The following TDRD9 variants were observed in gnomAD, a reference collection of about 807,000 sequenced individuals.
TDRD9 encodes tudor domain containing 9.
TDRD9 carries 124 observed loss-of-function variants against 172.6 expected under a neutral mutation model. The observed-to-expected ratio is 0.72, with a 90% CI of 0.62 to 0.83. The LOEUF (loss-of-function observed/expected upper bound fraction) is 0.83, where lower values mean the gene tolerates loss of function less well. Ranked by LOEUF, TDRD9 falls within the 40% of genes least tolerant of loss-of-function variation. The pLI is 0.00. For missense variants in TDRD9, 1,479 were observed against 1,714.1 expected, an observed-to-expected ratio of 0.86 and a Z score of 2.42; for synonymous variants, 619 against 617.1, an observed-to-expected ratio of 1.00 and a Z score of -0.05.
chr14:103,958,923 G>A (rs2032373061), intron 2 of TDRD9, among the ~76,000 whole-genome samples: 1 of 152,236 alleles, frequency 6.6e-6, no homozygotes. Flanking sequence ...CCTGTGGGCT[G>A]TAACGAAGAG....
At position 104,005,337 on chromosome 14, in the gene TDRD9, C is replaced by T. The variant is rs2034400946; in HGVS notation, c.1645C>T (p.Leu549=). The change falls in exon 15 of 36, where the codon CTG becomes TTG. Residue 549 remains leucine (L), a synonymous_variant. Transcript: ENST00000409874. ...ACTTGACATGGGTGAGCCGAGAGCT[C>T]TGCTGGCCACTGCCCTTTCCCCGCC... ...KLLDMGEPRA[L]LATALSPPGL... 6.8e-6 allele frequency: 11 copies of T among 1,614,000 alleles called. No individual in the cohort carries two copies. The highest frequency in any genetic ancestry group is 9.3e-6 in the Non-Finnish European group (11 of 1,179,878).
At chr14:103,973,425 G>T (rs1204318484) in intron 6 of TDRD9, among the ~76,000 whole-genome samples, 2 of 151,928 alleles carry the variant, frequency 1.3e-5, no homozygotes, top group Non-Finnish European at 2.9e-5. Flanking sequence ...TCCTCTCACT[G>T]CCTCCTCTAT....
intron 7 of TDRD9, among the ~76,000 whole-genome samples, chr14:103,983,847 C>T (rs1023041368): frequency 6.6e-6 from 1 of 152,292 alleles, no homozygotes; most frequent in African/African-American, 2.4e-5. Context: ...TTGGAACTTC[C>T]TAGAGACTTG....
At chr14:103,952,142 A>G (rs2031911722) in intron 1 of TDRD9, among the ~76,000 whole-genome samples, 2 of 139,572 alleles carry the variant, frequency 1.4e-5, no homozygotes, top group Admixed American at 1.5e-4. Flanking sequence ...GTATATATAT[A>G]TATGTATATA....
At chr14:103,990,036 A>G (rs1470110258) in intron 8 of TDRD9, among the ~76,000 whole-genome samples, 1 of 152,170 alleles carries the variant, frequency 6.6e-6, no homozygotes, top group Non-Finnish European at 1.5e-5. Flanking sequence ...ACCCAACCTC[A>G]TGGCCATGTC....
At position 104,042,378 on chromosome 14, in the gene TDRD9, C is replaced by A. The variant is rs567644025; in HGVS notation, c.3974+191C>A. Reference sequence around the variant, plus strand: ...TTCCTGTGGAGAGCAGCACCCTTGTCCTGTGTGTGTGTGTCCCTTGAAGGG... The same window carrying A: ...TTCCTGTGGAGAGCAGCACCCTTGTACTGTGTGTGTGTGTCCCTTGAAGGG... On this transcript the variant is annotated intron_variant, in intron 34 of 35. Coordinates refer to ENST00000409874, the MANE Select transcript of TDRD9 (RefSeq NM_153046.3). 3.9e-5 allele frequency among the ~76,000 whole-genome samples: 6 copies of A among 152,238 alleles called. No individual in the cohort carries two copies. The South Asian group carries it at 1.2e-3, about 32-fold the overall frequency.
chr14:104,049,546 T>C, intron 34 of TDRD9, 62 bp from the exon 35 acceptor site: 1 of 1,342,304 alleles, frequency 7.4e-7, no homozygotes, highest in Non-Finnish European at 1.0e-6. Flanking sequence ...TTTAAAAAAA[T>C]CACAGCAGTG....
intron 1 of TDRD9, among the ~76,000 whole-genome samples, chr14:103,951,588 A>G (rs762644599): frequency 8.5e-5 from 13 of 152,320 alleles, no homozygotes; most frequent in Middle Eastern, 3.4e-3. Context: ...AATCTGTTTG[A>G]AACATTTTAT....
At chr14:103,970,483 C>T in intron 5 of TDRD9, 58 bp from the exon 6 acceptor site, 2 of 1,261,984 alleles carry the variant, frequency 1.6e-6, no homozygotes, top group Non-Finnish European at 1.1e-6. Context: ...TTTCTGTCAG[C>T]AGTGTCATGT....
chr14:103,972,465 T>C (rs2033075862), intron 6 of TDRD9, among the ~76,000 whole-genome samples: 1 of 152,188 alleles, frequency 6.6e-6, no homozygotes, highest in South Asian at 2.1e-4. Context: ...ATGATAAATA[T>C]CATTTACTTC....
chr14:103,930,711 A>G (rs1325374243), intron 1 of TDRD9, among the ~76,000 whole-genome samples: 2 of 151,846 alleles, frequency 1.3e-5, no homozygotes, highest in Non-Finnish European at 2.9e-5. Context: ...TCCTTGAGCT[A>G]CTCTGGTAAA....
intron 35 of TDRD9, among the ~76,000 whole-genome samples, 155 bp from the exon 36 acceptor site, chr14:104,051,826 C>T (rs2140947039): frequency 6.6e-6 from 1 of 152,190 alleles, no homozygotes; most frequent in African/African-American, 2.4e-5. Context: ...ATTATCAAAC[C>T]TATAGTATGA....
intron 1 of TDRD9, among the ~76,000 whole-genome samples, chr14:103,952,216 ATATATTT>A (rs2031947943): frequency 4.0e-5 from 2 of 49,918 alleles, no homozygotes; most frequent in Non-Finnish European, 6.8e-5. Flanking sequence ...ATATATATAT[ATATATTT>A]TTTTTTTTTT....
In TDRD9 at chr14:104,031,218, G is replaced by C; in HGVS notation, c.3393G>C (p.Leu1131Phe). Residue 1131 changes from leucine (L) to phenylalanine (F), a missense_variant, in exon 29 of 36, where the codon TTG becomes TTC. Leu to Phe is a conservative substitution (Grantham distance 22, BLOSUM62 0). This residue lies in a region of TDRD9 where 1,413 missense variants were observed against 1,649.1 expected (regional missense o/e 0.86). Transcript: ENST00000409874. Reference protein sequence around the residue: ...KDDEKYLIRILLESFSTNKLG... With the variant: ...KDDEKYLIRIFLESFSTNKLG... Reference sequence around the variant, plus strand: ...ACGAGAAATATCTCATCCGGATTTTGTTAGAGAGCTTTTCTACCAATAAAC... The same window carrying C: ...ACGAGAAATATCTCATCCGGATTTTCTTAGAGAGCTTTTCTACCAATAAAC... 4 of 1,551,914 alleles carry C rather than the reference G, an allele frequency of 2.6e-6. No individual in the cohort carries two copies. The highest frequency in any genetic ancestry group is 3.5e-6 in the Non-Finnish European group (4 of 1,147,010).
chr14:103,938,440 A>ATATATT (rs1334417901), intron 1 of TDRD9, among the ~76,000 whole-genome samples: 1 of 44,540 alleles, frequency 2.2e-5, no homozygotes, highest in African/African-American at 9.2e-5. Flanking sequence ...ATATATATAT[A>ATATATT]TTTTTTTTTT....
chr14:104,017,065 T>C (rs1251263795), intron 22 of TDRD9, among the ~76,000 whole-genome samples: 2 of 152,114 alleles, frequency 1.3e-5, no homozygotes, highest in Non-Finnish European at 2.9e-5. Context: ...GATCATTTGA[T>C]TGGCACCTCT....
chr14:103,963,720 T>C (rs2032612782), intron 3 of TDRD9, among the ~76,000 whole-genome samples: 1 of 152,180 alleles, frequency 6.6e-6, no homozygotes, highest in Non-Finnish European at 1.5e-5. Context: ...AGAGTAAGCG[T>C]ATCGGAACCT....
chr14:104,031,911 G>A, intron 29 of TDRD9, 106 bp from the exon 30 acceptor site: 2 of 753,278 alleles, frequency 2.7e-6, no homozygotes, highest in South Asian at 2.0e-5. Context: ...TGAATGAGAT[G>A]TCTTTTTTTT....
At chr14:104,015,826 T>C (rs74089106) in intron 21 of TDRD9, among the ~76,000 whole-genome samples, 155 bp from the exon 22 acceptor site, 3,550 of 152,312 alleles carry the variant, frequency 0.023, 143 homozygotes, top group African/African-American at 0.082. Context: ...ATTGTGACTT[T>C]CTGCTTGGTT....
Sources: gnomAD v4.1 joint callset for allele counts (sites outside exome capture counted in the v4.1 genomes callset) on GRCh38, gnomAD v4.1.1 for gene constraint, gnomAD v4.1.1 regional missense constraint, MANE v1.5 for transcripts, NCBI Gene and HGNC (gene_info 2026-07-23, HGNC 2026-07-21) for gene names.